Variants in GALNS observed in about 807,000 individuals in gnomAD.
The protein encoded by GALNS is galactosamine (N-acetyl)-6-sulfatase.
Under a neutral mutation model 65.9 loss-of-function variants are expected in GALNS, and 65 were observed. The observed-to-expected ratio is 0.99, with a 90% confidence interval of 0.81 to 1.21. The LOEUF is 1.21. GALNS is among the 50% of genes most tolerant of loss of function. The probability of loss-of-function intolerance (pLI) is 0.00; values close to 1 mark genes in which losing one functional copy is unlikely to be tolerated. For missense variants in GALNS, 776 were observed against 700.7 expected, an observed-to-expected ratio of 1.11 and a Z score of -1.21; for synonymous variants, 346 against 288.9, an observed-to-expected ratio of 1.20 and a Z score of -2.00.
chr16:88,831,169 C>T (rs1223910200), intron 9 of GALNS, among the ~76,000 whole-genome samples: 2 of 152,112 alleles, frequency 1.3e-5, no homozygotes, highest in African/African-American at 4.8e-5. Flanking sequence ...CACAGCAAGC[C>T]CTACACACCG....
Position 88,835,755 on chromosome 16 carries a change from T to G in GALNS, c.728A>C (p.Lys243Thr), listed in dbSNP as rs753066127. 12 of 1,614,020 alleles carry G rather than the reference T, an allele frequency of 7.4e-6. No individual in the cohort carries two copies. The Admixed American group carries it at 2.0e-4, about 27-fold the overall frequency. ...TCGCTGACTGGTGCCCAAGAAGGGT[T>G]TGGAGGCATAGACGGGTGCGTGCGT... Reference protein sequence around the residue: ...DATHAPVYASKPFLGTSQRGR... With the variant: ...DATHAPVYASTPFLGTSQRGR... Residue 243 changes from lysine (K) to threonine (T), a missense_variant, in exon 7 of 14, where the codon AAA becomes ACA. By Grantham distance (78) the Lys-to-Thr change is moderately conservative (BLOSUM62 -1). Transcript: ENST00000268695.
chr16:88,826,851 G>A lies in GALNS; in HGVS notation c.1003-13C>T, dbSNP rs1483688791. 5.7e-6 allele frequency: 9 copies of A among 1,565,986 alleles called. No homozygotes were observed. The highest frequency in any genetic ancestry group is 7.8e-6 in the Non-Finnish European group (9 of 1,156,216). ...GCTGGTGGCTCACCTGAAACACATG[G>A]CAGCAACACGGTCAGGGCACTCTGC... On this transcript the variant is annotated splice_polypyrimidine_tract_variant and intron_variant, in intron 9 of 13. Coordinates refer to ENST00000268695, the MANE Select transcript of GALNS (RefSeq NM_000512.5).
intron 11 of GALNS, among the ~76,000 whole-genome samples, chr16:88,823,113 G>A (rs957749294): frequency 2.6e-5 from 4 of 152,140 alleles, no homozygotes; most frequent in African/African-American, 4.8e-5. Context: ...TTTCATGGAG[G>A]AAAGCCCCTT....
At chr16:88,824,950 A>G in intron 10 of GALNS, 81 bp from the exon 11 acceptor site, 1 of 1,112,502 alleles carries the variant, frequency 9.0e-7, no homozygotes, top group Non-Finnish European at 1.4e-6. Context: ...TGCGTCTGTC[A>G]TCAGTGGCTC....
chr16:88,850,086 C>T (rs1967435603), intron 1 of GALNS, among the ~76,000 whole-genome samples: 2 of 152,250 alleles, frequency 1.3e-5, no homozygotes, highest in Non-Finnish European at 2.9e-5. Flanking sequence ...TTCATCCTCT[C>T]AGGTGGCTTC....
intron 13 of GALNS, among the ~76,000 whole-genome samples, chr16:88,817,578 G>T (rs1909760316): frequency 6.6e-6 from 1 of 152,226 alleles, no homozygotes. Context: ...CTGCCTCGGT[G>T]CCTTCAGAGC....
At position 88,821,806 on chromosome 16, in the gene GALNS, C is replaced by T. The variant is rs577953164; in HGVS notation, c.1364+783G>A. On this transcript the variant is annotated intron_variant, in intron 12 of 13. Transcript: ENST00000268695. ...GCTCAGGCCTGGTTCTGCCTCTGCA[C>T]GCCACTCCCCTGATGCTCCTGGGTC... Among the ~76,000 whole-genome samples the T allele has an allele frequency of 2.0e-5, 3 of 152,268 alleles. No individual in the cohort carries two copies. The South Asian group carries it at 6.2e-4, about 32-fold the overall frequency.
chr16:88,816,166 C>A (rs1597519456), intron 13 of GALNS: 30 of 985,284 alleles, frequency 3.0e-5, no homozygotes, highest in Admixed American at 1.2e-4. Flanking sequence ...GCGGTGGGGG[C>A]AGTTCCCCCA....
chr16:88,843,630 G>C (rs1597585522), intron 1 of GALNS: 1 of 180,490 alleles, frequency 5.5e-6, no homozygotes, highest in South Asian at 1.2e-4. Context: ...CGAGACTGGA[G>C]TGACGCAGCC....
intron 9 of GALNS, chr16:88,827,135 C>T (rs1039130827): frequency 1.1e-5 from 6 of 534,782 alleles, no homozygotes; most frequent in Non-Finnish European, 2.0e-5. Context: ...GATGCCCCTC[C>T]AGGCCCACCT....
At chr16:88,822,443 G>T (rs1453850016) in intron 12 of GALNS, 146 bp downstream of exon 12, 6 of 1,073,834 alleles carry the variant, frequency 5.6e-6, no homozygotes, top group Non-Finnish European at 8.2e-6. Flanking sequence ...AGGCCACCAA[G>T]CACGTGTGGG....
At chr16:88,846,604 C>T (rs947823815) in intron 1 of GALNS, among the ~76,000 whole-genome samples, 3 of 150,296 alleles carry the variant, frequency 2.0e-5, no homozygotes, top group Non-Finnish European at 2.9e-5. Flanking sequence ...TTTGCCTGCA[C>T]GATCTCGGCT....
chr16:88,840,863 C>G (rs1287093687), intron 4 of GALNS, 129 bp downstream of exon 4: 2 of 769,146 alleles, frequency 2.6e-6, no homozygotes, highest in Non-Finnish European at 4.7e-6. Context: ...CTGAACACAC[C>G]CAGAATCAGC....
intron 5 of GALNS, among the ~76,000 whole-genome samples, chr16:88,837,115 C>G (rs1912220429): frequency 6.6e-6 from 1 of 152,214 alleles, no homozygotes; most frequent in African/African-American, 2.4e-5. Context: ...AAATAAAATT[C>G]ACAAAAGATG....
At position 88,827,167 on chromosome 16, in the gene GALNS, C is replaced by T. The variant is rs1010181455; in HGVS notation, c.1003-329G>A. The T allele has an allele frequency of 3.5e-5, 16 of 456,788 alleles. 2 individuals carry two copies. The South Asian group carries it at 3.6e-4, about 10-fold the overall frequency. 28.3% of individuals were successfully genotyped at this position (456,788 alleles called of 1,614,324 possible). A position where few individuals can be genotyped will look rare whatever the true frequency, so the allele number is the denominator to read the frequency against. On this transcript the variant is annotated intron_variant, in intron 9 of 13. Coordinates refer to ENST00000268695, the MANE Select transcript of GALNS (RefSeq NM_000512.5). ...ACCTGTCCGGAGAGGATCAGCCTCG[C>T]TCTAACACTGAATGCCCTAAGGCCA...
At chr16:88,855,558 G>T (rs1322351891) in intron 1 of GALNS, 1 of 700,304 alleles carries the variant, frequency 1.4e-6, no homozygotes. Flanking sequence ...TGGAAAAGCA[G>T]CTGCCCAGGA....
chr16:88,815,628 C>T (rs1909543149), intron 13 of GALNS: 1 of 985,378 alleles, frequency 1.0e-6, no homozygotes, highest in South Asian at 4.7e-5. Context: ...CAGGCCACTT[C>T]TGTGCCACGT....
At chr16:88,842,871 C>T (rs369889605) in intron 1 of GALNS, 42 bp from the exon 2 acceptor site, 4 of 1,608,124 alleles carry the variant, frequency 2.5e-6, no homozygotes, top group Non-Finnish European at 2.5e-6. Context: ...GCGCCTTCTG[C>T]AGGTGCTTCT....
intron 1 of GALNS, among the ~76,000 whole-genome samples, chr16:88,850,910 T>C (rs1172942204): frequency 6.6e-6 from 1 of 152,194 alleles, no homozygotes; most frequent in Non-Finnish European, 1.5e-5. Flanking sequence ...CAAGGTGAGC[T>C]GCTCCTATCA....
Sources: allele counts gnomAD v4.1 joint callset (sites outside exome capture counted in the v4.1 genomes callset), GRCh38; gene constraint gnomAD v4.1.1; transcripts MANE v1.5; gene names NCBI Gene and HGNC (gene_info 2026-07-23, HGNC 2026-07-21).